Variants in SRR observed in about 807,000 individuals in gnomAD.
SRR encodes the protein serine racemase.
Under a neutral mutation model 32.7 loss-of-function variants are expected in SRR, and 19 were observed. The ratio of observed to expected loss-of-function variants is 0.58; its 90% CI spans 0.40 to 0.85. The LOEUF is 0.85. Ranked by LOEUF, SRR falls within the 40% of genes least tolerant of loss-of-function variation. The pLI, the probability that SRR is intolerant of heterozygous loss-of-function variation, is 0.00. For synonymous variants in SRR, 142 were observed against 140.9 expected, an observed-to-expected ratio of 1.01 and a Z score of -0.06; for missense variants, 373 against 404.7, an observed-to-expected ratio of 0.92 and a Z score of 0.67.
rs888775970 is a variant in SRR at position 2,325,003 on chromosome 17, T to C, written c.*1130T>C. The stretch of plus-strand genomic sequence containing the variant: ...CACACTTAACCTTGTCAATAGGTTC[T>C]TGAAAACTTGTACTTCAAGAGAAAT... On this transcript the variant is annotated 3_prime_UTR_variant, in exon 8 of 8. Transcript: ENST00000344595. 75 of 675,716 alleles carry C rather than the reference T, an allele frequency of 1.1e-4. 1 individual carries two copies. The African/African-American group carries it at 1.2e-3, about 11-fold the overall frequency. 41.9% of individuals were successfully genotyped at this position (675,716 alleles called of 1,614,324 possible).
chr17:2,312,068 T>G (rs2075437271), intron 1 of SRR, among the ~76,000 whole-genome samples: 1 of 151,352 alleles, frequency 6.6e-6, no homozygotes, highest in South Asian at 2.1e-4. Context: ...TTTAAAAAAT[T>G]AGCTGGGTAT....
chr17:2,307,226 A>G, intron 1 of SRR: 2 of 1,289,782 alleles, frequency 1.6e-6, no homozygotes, highest in South Asian at 1.2e-5. Flanking sequence ...TTTGATGATC[A>G]TGACTCCGTG....
intron 1 of SRR, among the ~76,000 whole-genome samples, chr17:2,314,582 CAAAAA>C (rs35790609): frequency 9.7e-6 from 1 of 102,976 alleles, no homozygotes; most frequent in Non-Finnish European, 2.0e-5. Flanking sequence ...GACTCTGTCT[CAAAAA>C]AAAAAAAAAA....
At chr17:2,308,406 AT>A (rs1355600938) in intron 1 of SRR, among the ~76,000 whole-genome samples, 1 of 152,216 alleles carries the variant, frequency 6.6e-6, no homozygotes, top group Non-Finnish European at 1.5e-5. Flanking sequence ...GCAAAAAATA[AT>A]TTTTAAAAAA....
chr17:2,317,193 A>C (rs2075480887), intron 2 of SRR, among the ~76,000 whole-genome samples: 1 of 113,164 alleles, frequency 8.8e-6, no homozygotes, highest in African/African-American at 3.5e-5. Flanking sequence ...ATAGAGGAAG[A>C]CTCCATCTCG....
chr17:2,303,748 G>T (rs971482721), upstream of SRR: 3 of 1,478,742 alleles, frequency 2.0e-6, no homozygotes, highest in East Asian at 3.0e-5. Context: ...CAGCCGTAGC[G>T]GCTCCGCCAC....
chr17:2,307,545 G>A (rs1034352788), intron 1 of SRR: 24 of 1,183,854 alleles, frequency 2.0e-5, no homozygotes, highest in Non-Finnish European at 2.9e-5. Context: ...CAATGATTTT[G>A]GCAATTACAA....
At position 2,317,853 on chromosome 17, in the gene SRR, C is replaced by T. The variant is rs1350455810; in HGVS notation, c.169-17C>T. ...TGTTTTAATCAAATATGTGAATTCACCATCCCTCTTTTTCAGATTCGTGGT... is the reference window on the plus strand; with the variant it reads ...TGTTTTAATCAAATATGTGAATTCATCATCCCTCTTTTTCAGATTCGTGGT... On this transcript the variant is annotated splice_polypyrimidine_tract_variant and intron_variant, in intron 2 of 7. Coordinates refer to ENST00000344595, the MANE Select transcript of SRR (RefSeq NM_021947.3). 6.2e-7 allele frequency: 1 copy of T among 1,606,738 alleles called. No homozygotes were observed. Among genetic ancestry groups the T allele is most frequent in the South Asian group, 1.1e-5 (1 of 89,886 alleles).
chr17:2,321,375 C>G lies in SRR; in HGVS notation c.469C>G (p.Pro157Ala), dbSNP rs1199268092. 2 of 1,612,516 alleles carry G rather than the reference C, an allele frequency of 1.2e-6. No individual in the cohort carries two copies. The highest frequency in any genetic ancestry group is 1.7e-6 in the Non-Finnish European group (2 of 1,179,640). Residue 157 changes from proline to alanine, a missense_variant, in exon 5 of 8, where the codon CCT becomes GCT. Transcript: ENST00000344595. The stretch of plus-strand genomic sequence containing the variant: ...CATCATGGTACATCCCAACCAGGAG[C>G]CTGCAGTGATAGCTGGACAAGGGAC... ...EGIMVHPNQE[P>A]AVIAGQGTIA...
chr17:2,322,060 C>T (rs1489735841), intron 6 of SRR, among the ~76,000 whole-genome samples: 6 of 152,140 alleles, frequency 3.9e-5, no homozygotes, highest in African/African-American at 1.2e-4. Context: ...GGATTACAGG[C>T]GTGAGCCACT....
At chr17:2,319,003 C>T (rs886463665) in intron 4 of SRR, 74 bp downstream of exon 4, 6 of 1,021,144 alleles carry the variant, frequency 5.9e-6, no homozygotes, top group African/African-American at 3.2e-5. Flanking sequence ...TTACTGGCTG[C>T]TCCTTCTCAG....
intron 1 of SRR, among the ~76,000 whole-genome samples, chr17:2,308,226 T>G (rs1165312928): frequency 6.6e-6 from 1 of 152,150 alleles, no homozygotes; most frequent in African/African-American, 2.4e-5. Flanking sequence ...TTATATGCTT[T>G]CTTTTTAAAG....
At chr17:2,317,207 GAAAA>G (rs1238108697) in intron 2 of SRR, among the ~76,000 whole-genome samples, 1 of 54,330 alleles carries the variant, frequency 1.8e-5, no homozygotes, top group African/African-American at 7.1e-5. Flanking sequence ...CATCTCGGGG[GAAAA>G]AAAAAAAAAA....
Position 2,323,251 on chromosome 17 carries a change from C to T in SRR, c.710C>T (p.Ala237Val), listed in dbSNP as rs1372818564. The change falls in exon 7 of 8, where the codon GCA (alanine) becomes GTA (valine). Residue 237 changes from alanine to valine, a missense_variant. Transcript: ENST00000344595. ...MPNLYPPETI[A>V]DGVKSSIGLN... ...AATCTTTATCCTCCAGAAACCATAG[C>T]AGATGGTGTCAAATCCAGCATTGGC... is the stretch of plus-strand genomic sequence containing the variant. The T allele has an allele frequency of 1.2e-6, 2 of 1,614,216 alleles. No homozygotes were observed. The highest frequency in any genetic ancestry group is 2.2e-5 in the East Asian group (1 of 44,886).
At position 2,324,725 on chromosome 17, in the gene SRR, T is replaced by TA; in HGVS notation, c.*853dup. ...AACATGTAACGTACTACTGCCATCTTAGTAAAAATTTTGAAAGGATGACCA... is the reference window on the plus strand; with the variant it reads ...AACATGTAACGTACTACTGCCATCTTAAGTAAAAATTTTGAAAGGATGACCA... On this transcript the variant is annotated 3_prime_UTR_variant, in exon 8 of 8. Coordinates refer to ENST00000344595, the MANE Select transcript of SRR (RefSeq NM_021947.3). The TA allele has an allele frequency of 6.2e-7, 1 of 1,614,186 alleles. No individual in the cohort carries two copies.
In SRR at chr17:2,307,259, A is replaced by G. The variant is rs1438952243; in HGVS notation, c.-5+3242A>G. ...GTGGATAAGACTGTCATTCAGAAATACCATACTGTGAATGGCCACAACTGT... is the reference window on the plus strand; with the variant it reads ...GTGGATAAGACTGTCATTCAGAAATGCCATACTGTGAATGGCCACAACTGT... On this transcript the variant is annotated intron_variant, in intron 1 of 7. Coordinates refer to ENST00000344595, the MANE Select transcript of SRR (RefSeq NM_021947.3). The G allele has an allele frequency of 8.4e-6, 10 of 1,192,456 alleles. No individual in the cohort carries two copies. The African/African-American group carries it at 1.3e-4, about 16-fold the overall frequency. 73.9% of individuals were successfully genotyped at this position (1,192,456 alleles called of 1,614,324 possible). A position where few individuals can be genotyped will look rare whatever the true frequency, so the allele number is the denominator to read the frequency against.
intron 2 of SRR, among the ~76,000 whole-genome samples, chr17:2,316,916 A>G (rs1031118337): frequency 3.7e-4 from 53 of 144,514 alleles, no homozygotes; most frequent in Middle Eastern, 7.0e-3. Context: ...TAGTAGAGAC[A>G]GGGTTTCACC....
chr17:2,320,039 C>T (rs923132494), intron 4 of SRR, among the ~76,000 whole-genome samples: 1 of 150,770 alleles, frequency 6.6e-6, no homozygotes, highest in African/African-American at 2.4e-5. Context: ...AGGATGGTCT[C>T]GATCTCCTGA....
chr17:2,305,000 T>C (rs1246428806), intron 1 of SRR, among the ~76,000 whole-genome samples: 1 of 152,108 alleles, frequency 6.6e-6, no homozygotes, highest in African/African-American at 2.4e-5. Context: ...CCCACACCCA[T>C]CACAGAATAG....
Sources: allele counts gnomAD v4.1 joint callset (sites outside exome capture counted in the v4.1 genomes callset), GRCh38; gene constraint gnomAD v4.1.1; transcripts MANE v1.5; gene names NCBI Gene and HGNC (gene_info 2026-07-23, HGNC 2026-07-21).